Variants in ELF4 observed in about 807,000 individuals in gnomAD.
ELF4 encodes E74 like ETS transcription factor 4.
In ELF4, 10 loss-of-function variants were observed where a neutral mutation model predicts 31.7. The observed-to-expected ratio is 0.32, with a 90% CI of 0.19 to 0.54. The LOEUF is 0.54. ELF4 is among the 20% of genes least tolerant of loss of function. ELF4 has a pLI of 0.95. For synonymous variants in ELF4, 208 were observed against 226.7 expected, an observed-to-expected ratio of 0.92 and a Z score of 0.74; for missense variants, 418 against 522.0, an observed-to-expected ratio of 0.80 and a Z score of 1.94.
chrX:130,079,964 T>G (rs1040056145), intron 2 of ELF4, among the ~76,000 whole-genome samples: 17 of 111,820 alleles, frequency 1.5e-4, no homozygotes, highest in Admixed American at 4.8e-4. Context: ...AAGTTCAAAG[T>G]GCTCAAAGGC....
chrX:130,069,765 G>A, intron 7 of ELF4, 88 bp from the exon 8 acceptor site: 2 of 1,174,582 alleles, frequency 1.7e-6, no homozygotes, highest in Non-Finnish European at 2.3e-6. Flanking sequence ...TCCTCCCCGA[G>A]GGCTAGGCAA....
At chrX:130,105,853 CCT>C (rs1491418491) in intron 1 of ELF4, among the ~76,000 whole-genome samples, 41 of 71,865 alleles carry the variant, frequency 5.7e-4, no homozygotes, top group East Asian at 1.0e-3. Context: ...TCCCCAGGGG[CCT>C]GTGTGTGTGT....
At chrX:130,103,852 A>C (rs972457205) in intron 1 of ELF4, among the ~76,000 whole-genome samples, 1 of 111,499 alleles carries the variant, frequency 9.0e-6, no homozygotes, top group East Asian at 2.8e-4. Context: ...AGCAAACACA[A>C]TCCAGTCAAT....
rs1350358047 is a variant in ELF4, at chrX:130,074,751, A to C, written c.77T>G (p.Leu26Arg). The C allele has an allele frequency of 8.3e-7, 1 of 1,211,295 alleles. No individual in the cohort carries two copies. Among genetic ancestry groups the C allele is most frequent in the Non-Finnish European group, 1.1e-6 (1 of 895,394 alleles). ...SNGMDDDIHQLEDPSVFPAVI... is the reference protein window; with the variant it reads ...SNGMDDDIHQREDPSVFPAVI... ...AGCTGGGAACACAGAGGGGTCTTCC[A>C]GCTATGGAGAAGACAGGGATGTGAT... Residue 26 changes from leucine to arginine, a missense_variant and splice_region_variant, in exon 3 of 9, where the codon CTG (leucine) becomes CGG (arginine). Leu to Arg is a moderately radical substitution (Grantham distance 102, BLOSUM62 -2). Transcript: ENST00000308167.
chrX:130,089,322 G>A (rs1401244625), intron 1 of ELF4, among the ~76,000 whole-genome samples: 1 of 106,345 alleles, frequency 9.4e-6, no homozygotes, highest in Non-Finnish European at 1.9e-5. Flanking sequence ...GGGCAACATG[G>A]CAAAACCCTG....
At chrX:130,092,929 G>A (rs1358169965) in intron 1 of ELF4, among the ~76,000 whole-genome samples, 1 of 110,408 alleles carries the variant, frequency 9.1e-6, no homozygotes. Context: ...CTCAAGTCCC[G>A]CAGTTGGCCT....
chrX:130,111,312 A>G (rs1354758669), upstream of ELF4, among the ~76,000 whole-genome samples: 1 of 112,036 alleles, frequency 8.9e-6, no homozygotes, highest in African/African-American at 3.2e-5. Context: ...CCCCGCAGAG[A>G]AATCCCTTCC....
chrX:130,078,516 G>T (rs1426050806), intron 2 of ELF4, among the ~76,000 whole-genome samples: 1 of 110,557 alleles, frequency 9.0e-6, no homozygotes, highest in Non-Finnish European at 1.9e-5. Flanking sequence ...CCAACACTTT[G>T]GGAGGCCAAG....
At chrX:130,103,097 AC>A (rs1933314405) in intron 1 of ELF4, among the ~76,000 whole-genome samples, 1 of 111,811 alleles carries the variant, frequency 8.9e-6, no homozygotes, top group African/African-American at 3.3e-5. Flanking sequence ...AAAATATGAG[AC>A]AAAATATTTG....
intron 2 of ELF4, among the ~76,000 whole-genome samples, chrX:130,080,078 A>G: frequency 8.9e-6 from 1 of 111,835 alleles, no homozygotes; most frequent in Non-Finnish European, 1.9e-5. Context: ...TGCCCTTTGG[A>G]GATAATCCAG....
rs796102095 is a variant in ELF4 at position 130,063,983 on chromosome X, T to TATC, written c.*2737_*2738insGAT. ...TTGTTTGCTTGATTTTTATTATTATTATTATTATTATTATTATTATTATTA... is the reference window on the plus strand; with the variant it reads ...TTGTTTGCTTGATTTTTATTATTATTATCATTATTATTATTATTATTATTATTA... On this transcript the variant is annotated 3_prime_UTR_variant, in exon 9 of 9. Coordinates refer to ENST00000308167, the MANE Select transcript of ELF4 (RefSeq NM_001421.4). Among the ~76,000 whole-genome samples, 7 of 101,744 alleles carry TATC rather than the reference T, an allele frequency of 6.9e-5. No individual in the cohort carries two copies. In the South Asian group the frequency reaches 3.0e-3, roughly 44 times the overall value. 88.4% of individuals were successfully genotyped at this position (101,744 alleles called of 115,157 possible).
At chrX:130,109,775 G>C (rs1182153181) in intron 1 of ELF4, among the ~76,000 whole-genome samples, 1 of 113,148 alleles carries the variant, frequency 8.8e-6, no homozygotes, top group Non-Finnish European at 1.9e-5. Context: ...ACCCGGAGGC[G>C]GGAGAGTCGG....
chrX:130,097,547 C>T (rs1245320300), intron 1 of ELF4, among the ~76,000 whole-genome samples: 1 of 112,243 alleles, frequency 8.9e-6, no homozygotes, highest in East Asian at 2.8e-4. Context: ...TGCAGGAGGC[C>T]TTTGACACAA....
chrX:130,075,327 A>T (rs1342495939), intron 2 of ELF4, among the ~76,000 whole-genome samples: 1 of 100,914 alleles, frequency 9.9e-6, no homozygotes, highest in Non-Finnish European at 2.0e-5. Context: ...CCCAGGCTGG[A>T]GGGCAGTGGC....
intron 1 of ELF4, among the ~76,000 whole-genome samples, chrX:130,087,022 A>C (rs1932972008): frequency 8.9e-6 from 1 of 112,463 alleles, no homozygotes; most frequent in Admixed American, 9.4e-5. Context: ...AGAGCACTAC[A>C]CTACAGAAGC....
At position 130,083,891 on chromosome X, in the gene ELF4, C is replaced by A. The variant is rs190705005; in HGVS notation, c.-209-2352G>T. ...GGATGGATAGATTGGTGGTATGGGT[C>A]AGTCAGCATCTGTGAGGTGTGTTTT... On this transcript the variant is annotated intron_variant, in intron 1 of 8. Coordinates refer to ENST00000308167, the MANE Select transcript of ELF4 (RefSeq NM_001421.4). 1.6e-3 allele frequency among the ~76,000 whole-genome samples: 172 copies of A among 110,590 alleles called. 1 individual carries two copies. The highest frequency in any genetic ancestry group is 5.4e-3 in the African/African-American group (163 of 30,418).
rs143221002 is a variant in ELF4 at position 130,092,675 on chromosome X, A to G, written c.-209-11136T>C. ...AACTGGAATATAAATGCTGAGGTCA[A>G]TGTCCAGGAAGGACTAGCCCAGGGT... is the stretch of plus-strand genomic sequence containing the variant. On this transcript the variant is annotated intron_variant, in intron 1 of 8. Coordinates refer to ENST00000308167, the MANE Select transcript of ELF4 (RefSeq NM_001421.4). Among the ~76,000 whole-genome samples the G allele has an allele frequency of 6.5e-3, 728 of 112,213 alleles. 3 individuals are homozygous for G. The highest frequency in any genetic ancestry group is 0.024 in the South Asian group (66 of 2,705).
intron 1 of ELF4, among the ~76,000 whole-genome samples, chrX:130,102,932 G>A (rs1933305622): frequency 2.0e-5 from 2 of 99,623 alleles, no homozygotes; most frequent in Admixed American, 1.1e-4. Context: ...GAGAGAGAAG[G>A]AGGGAGGGAG....
intron 4 of ELF4, among the ~76,000 whole-genome samples, chrX:130,073,711 C>T (rs1156440549): frequency 5.4e-5 from 6 of 110,871 alleles, no homozygotes; most frequent in Non-Finnish European, 1.1e-4. Context: ...GGGGTTTCAC[C>T]GTGTTGGTCA....
Sources: allele counts gnomAD v4.1 joint callset (sites outside exome capture counted in the v4.1 genomes callset), GRCh38; gene constraint gnomAD v4.1.1; transcripts MANE v1.5; gene names NCBI Gene and HGNC (gene_info 2026-07-23, HGNC 2026-07-21).